CNTRL: variants seen among roughly 807,000 people sequenced by gnomAD.
CNTRL encodes centriolin, also known as 110 kDa centrosomal protein.
A neutral mutation model predicts 303.7 loss-of-function variants in CNTRL; 233 were observed. The observed-to-expected ratio is 0.77, with a 90% CI of 0.69 to 0.86. The LOEUF (loss-of-function observed/expected upper bound fraction) is 0.86, where lower values mean the gene tolerates loss of function less well. CNTRL is among the 40% of genes least tolerant of loss of function. CNTRL has a pLI of 0.00. For missense variants in CNTRL, 2,524 were observed against 2,650.6 expected (o/e 0.95, Z 1.05); for synonymous variants, 900 against 922.2 (o/e 0.98, Z 0.44).
At chr9:121,174,272 T>C (rs2053434137) in intron 42 of CNTRL, among the ~76,000 whole-genome samples, 1 of 152,106 alleles carries the variant, frequency 6.6e-6, no homozygotes, top group Middle Eastern at 3.2e-3. Flanking sequence ...AGGTTACATT[T>C]ATGTGGGGGG....
intron 7 of CNTRL, 78 bp downstream of exon 7, chr9:121,098,650 A>G: frequency 1.1e-6 from 1 of 931,530 alleles, no homozygotes; most frequent in Non-Finnish European, 1.6e-6. Context: ...AATATGTATC[A>G]TGAACTTTAT....
At chr9:121,171,379 G>A (rs772347261) in intron 39 of CNTRL, 29 bp from the exon 40 acceptor site, 21 of 1,612,722 alleles carry the variant, frequency 1.3e-5, no homozygotes, top group Non-Finnish European at 1.6e-5. Flanking sequence ...GTGTTAGATC[G>A]CAGAGTTATT....
intron 7 of CNTRL, among the ~76,000 whole-genome samples, chr9:121,104,877 T>C (rs2049384544): frequency 6.6e-6 from 1 of 152,022 alleles, no homozygotes; most frequent in Non-Finnish European, 1.5e-5. Flanking sequence ...AATTTTGTAT[T>C]TTTAGTAGAG....
Position 121,090,536 on chromosome 9 carries a change from A to C in CNTRL, c.348+131A>C, listed in dbSNP as rs1045352139. On this transcript the variant is annotated intron_variant, in intron 4 of 43. Coordinates refer to ENST00000373855, the MANE Select transcript of CNTRL (RefSeq NM_007018.6). Reference sequence around the variant, plus strand: ...TTTATTGTTTCCAGTGAATGTTCTAAATCAGAAGTATATGACATTTCCAAA... The same window carrying C: ...TTTATTGTTTCCAGTGAATGTTCTACATCAGAAGTATATGACATTTCCAAA... 14 of 792,340 alleles carry C rather than the reference A, an allele frequency of 1.8e-5. No homozygotes were observed. The African/African-American group carries it at 2.1e-4, about 12-fold the overall frequency. The allele number at this position is 792,340 out of a possible 1,614,324, so 49.1% of individuals were successfully genotyped here. A position where few individuals can be genotyped will look rare whatever the true frequency, so the allele number is the denominator to read the frequency against.
intron 7 of CNTRL, among the ~76,000 whole-genome samples, chr9:121,103,358 G>A (rs2049282249): frequency 6.6e-6 from 1 of 152,196 alleles, no homozygotes; most frequent in African/African-American, 2.4e-5. Flanking sequence ...GTAGAAAGCT[G>A]AAACTGGATC....
chr9:121,083,507 A>G (rs1418841504), intron 2 of CNTRL, among the ~76,000 whole-genome samples: 3 of 152,226 alleles, frequency 2.0e-5, no homozygotes, highest in Admixed American at 6.5e-5. Flanking sequence ...CTTCAAGGGC[A>G]ATAACATGCA....
Position 121,148,690 on chromosome 9 carries a change from C to T in CNTRL, c.3478C>T (p.Gln1160Ter). The T allele has an allele frequency of 6.2e-7, 1 of 1,613,306 alleles. No individual in the cohort carries two copies. Among genetic ancestry groups the T allele is most frequent in the South Asian group, 1.1e-5 (1 of 91,038 alleles). ...GTTTTAGGTTTCCAGCCATAGTTCC[C>T]AGGCCACCAAGGACTCTGGTGTTGG... ...PSSKVSSHSS[Q>*]ATKDSGVGLK... is the part of the protein sequence containing the mutation. The change falls in exon 24 of 44, where the codon CAG becomes TAG. Residue 1160 changes from glutamine to a stop codon, truncating the protein, a stop_gained. Coordinates refer to ENST00000373855, the MANE Select transcript of CNTRL (RefSeq NM_007018.6). LOFTEE classifies it high-confidence loss of function.
intron 11 of CNTRL, among the ~76,000 whole-genome samples, chr9:121,116,784 A>G (rs985494135): frequency 6.6e-6 from 1 of 152,130 alleles, no homozygotes; most frequent in Non-Finnish European, 1.5e-5. Flanking sequence ...CAGGCAAGAG[A>G]TGATACTAGC....
chr9:121,150,723 ATT>A (rs1351102036), intron 25 of CNTRL: 47 of 467,434 alleles, frequency 1.0e-4, no homozygotes, highest in Admixed American at 2.3e-4. Context: ...GAGCCTAGGA[ATT>A]CAAGGCCAGC....
chr9:121,103,544 C>T (rs1257594276), intron 7 of CNTRL, among the ~76,000 whole-genome samples: 1 of 152,180 alleles, frequency 6.6e-6, no homozygotes, highest in African/African-American at 2.4e-5. Flanking sequence ...CCAAAATTGA[C>T]AGATGGGATC....
intron 15 of CNTRL, among the ~76,000 whole-genome samples, 175 bp from the exon 16 acceptor site, chr9:121,138,370 G>A (rs1036964434): frequency 1.3e-5 from 2 of 152,120 alleles, no homozygotes; most frequent in Non-Finnish European, 2.9e-5. Context: ...AATAGTTTAA[G>A]GATTGTGTGA....
chr9:121,078,986 C>T (rs1026376390), intron 1 of CNTRL, among the ~76,000 whole-genome samples: 5 of 152,110 alleles, frequency 3.3e-5, no homozygotes, highest in Non-Finnish European at 7.4e-5. Context: ...TGATTGATTA[C>T]ATCATTGGCC....
chr9:121,156,482 C>T (rs1159279898), intron 27 of CNTRL, among the ~76,000 whole-genome samples: 2 of 152,160 alleles, frequency 1.3e-5, no homozygotes, highest in Non-Finnish European at 2.9e-5. Flanking sequence ...GCTGGTGAAA[C>T]TGACAGAAAC....
rs2053225860 is a variant in CNTRL, at chr9:121,169,636, G to A, written c.6096G>A (p.Gln2032=). The A allele has an allele frequency of 6.2e-7, 1 of 1,614,070 alleles. No homozygotes were observed. The highest frequency in any genetic ancestry group is 1.7e-5 in the Admixed American group (1 of 60,006). Residue 2032 remains glutamine, a synonymous_variant, in exon 39 of 44, where the codon CAG becomes CAA. Coordinates refer to ENST00000373855, the MANE Select transcript of CNTRL (RefSeq NM_007018.6). ...AACGGCAGCTTTCAGAAAGGGAGCA[G>A]CAATTGGTGGAGAAATCAGGTGAGC... ...QTKRQLSERE[Q]QLVEKSGELL... is the part of the protein sequence containing the mutation.
chr9:121,174,814 G>A (rs904232756), intron 42 of CNTRL, among the ~76,000 whole-genome samples: 38 of 152,112 alleles, frequency 2.5e-4, no homozygotes, highest in Admixed American at 1.0e-3. Context: ...GAAAGACCCC[G>A]TTAATGACAA....
chr9:121,154,988 A>G (rs1261785381), intron 27 of CNTRL, 75 bp downstream of exon 27: 3 of 1,293,718 alleles, frequency 2.3e-6, no homozygotes, highest in Non-Finnish European at 3.4e-6. Context: ...AGGATTAGAA[A>G]GAGAATGTGT....
At chr9:121,164,888 G>GTCATC in intron 34 of CNTRL, 55 bp from the exon 35 acceptor site, 1 of 1,401,604 alleles carries the variant, frequency 7.1e-7, no homozygotes, top group East Asian at 2.4e-5. Flanking sequence ...CTGTTCCTCA[G>GTCATC]TCATCTCCTG....
At position 121,159,022 on chromosome 9, in the gene CNTRL, G is replaced by A. The variant is rs2052724976; in HGVS notation, c.4929+3G>A. 6 of 1,612,966 alleles carry A rather than the reference G, an allele frequency of 3.7e-6. No individual in the cohort carries two copies. The highest frequency in any genetic ancestry group is 5.1e-6 in the Non-Finnish European group (6 of 1,179,558). ...CTGAGAAGTGCAATCACATTAGGGT[G>A]TGTTTTTTATTAGGGTTTTCTGAAG... On this transcript the variant is annotated splice_donor_region_variant and intron_variant, in intron 31 of 43. Coordinates refer to ENST00000373855, the MANE Select transcript of CNTRL (RefSeq NM_007018.6).
intron 10 of CNTRL, among the ~76,000 whole-genome samples, chr9:121,114,407 A>G (rs1401676002): frequency 6.6e-6 from 1 of 152,156 alleles, no homozygotes; most frequent in Non-Finnish European, 1.5e-5. Flanking sequence ...TCTTTCCTTG[A>G]CTGGTAGCTA....
Sources: gnomAD v4.1 joint callset for allele counts (sites outside exome capture counted in the v4.1 genomes callset) on GRCh38, gnomAD v4.1.1 for gene constraint, MANE v1.5 for transcripts, NCBI Gene and HGNC (gene_info 2026-07-23, HGNC 2026-07-21) for gene names.